MAST4: variants seen among roughly 807,000 people sequenced by gnomAD.
The protein encoded by MAST4 is microtubule associated serine/threonine kinase family member 4.
MAST4 carries 89 observed loss-of-function variants against 162.7 expected under a neutral mutation model. The observed-to-expected ratio is 0.55, with a 90% CI of 0.46 to 0.65. The LOEUF (loss-of-function observed/expected upper bound fraction) is 0.65. Among genes scored for constraint, MAST4 ranks in the 30% least tolerant of loss-of-function variants. The pLI is 0.00. For synonymous variants in MAST4, 1,479 were observed against 1,361.1 expected (o/e 1.09, Z -1.91); for missense variants, 3,153 against 3,374.0 (o/e 0.93, Z 1.62).
chr5:67,091,702 G>A (rs1188972854), intron 6 of MAST4, among the ~76,000 whole-genome samples: 1 of 152,100 alleles, frequency 6.6e-6, no homozygotes, highest in Non-Finnish European at 1.5e-5. Context: ...AGAAATCACG[G>A]TATCTTAATC....
chr5:66,672,494 T>C (rs1227110768), intron 1 of MAST4, among the ~76,000 whole-genome samples: 2 of 152,346 alleles, frequency 1.3e-5, no homozygotes, highest in Non-Finnish European at 2.9e-5. Context: ...CTTATATTAT[T>C]TGCATCTTAA....
At chr5:67,066,258 C>A (rs1398269524) in intron 5 of MAST4, among the ~76,000 whole-genome samples, 1 of 151,370 alleles carries the variant, frequency 6.6e-6, no homozygotes, top group African/African-American at 2.4e-5. Flanking sequence ...ATATTGTCCC[C>A]CTTAAAAGAA....
At chr5:66,896,892 A>G (rs1762717561) in intron 3 of MAST4, among the ~76,000 whole-genome samples, 4 of 152,172 alleles carry the variant, frequency 2.6e-5, no homozygotes. Flanking sequence ...GTATATTGAG[A>G]GATCTCAAAA....
At chr5:67,099,479 A>G (rs1375866387) in intron 7 of MAST4, among the ~76,000 whole-genome samples, 1 of 152,074 alleles carries the variant, frequency 6.6e-6, no homozygotes, top group Non-Finnish European at 1.5e-5. Flanking sequence ...TTTATGAAGG[A>G]TACTCTTAAT....
At chr5:66,966,563 C>A (rs1746759017) in intron 4 of MAST4, among the ~76,000 whole-genome samples, 1 of 152,096 alleles carries the variant, frequency 6.6e-6, no homozygotes, top group Non-Finnish European at 1.5e-5. Context: ...CCTTGGGCAT[C>A]AACATTTAGC....
chr5:66,636,246 G>T (rs1745115473), intron 1 of MAST4, among the ~76,000 whole-genome samples: 1 of 152,134 alleles, frequency 6.6e-6, no homozygotes, highest in African/African-American at 2.4e-5. Flanking sequence ...GTGAGCCACC[G>T]TGCCTGGCCA....
chr5:66,885,140 G>C (rs1466377322), intron 3 of MAST4, among the ~76,000 whole-genome samples: 8 of 152,156 alleles, frequency 5.3e-5, no homozygotes, highest in Non-Finnish European at 1.2e-4. Flanking sequence ...GGAATAGGGG[G>C]TTTTCAAAAC....
chr5:67,090,641 G>A, intron 6 of MAST4, among the ~76,000 whole-genome samples: 1 of 150,834 alleles, frequency 6.6e-6, no homozygotes, highest in Non-Finnish European at 1.5e-5. Context: ...CCATGCATGG[G>A]CTATAGGATG....
At chr5:67,132,024 C>G in intron 16 of MAST4, 73 bp downstream of exon 16, 1 of 1,483,090 alleles carries the variant, frequency 6.7e-7, no homozygotes, top group Non-Finnish European at 9.1e-7. Context: ...AAGATGTTTT[C>G]TTTTAGTCAA....
intron 1 of MAST4, among the ~76,000 whole-genome samples, chr5:66,678,094 T>A (rs1044724062): frequency 6.6e-6 from 1 of 152,130 alleles, no homozygotes; most frequent in Non-Finnish European, 1.5e-5. Flanking sequence ...ATTTTTCTAA[T>A]CTAATTTGCT....
chr5:67,050,824 C>T (rs1758081124), intron 4 of MAST4, among the ~76,000 whole-genome samples: 1 of 152,130 alleles, frequency 6.6e-6, no homozygotes, highest in Non-Finnish European at 1.5e-5. Flanking sequence ...GTAAGTTTTT[C>T]CATGTGCTGC....
At chr5:66,684,733 T>A in intron 1 of MAST4, among the ~76,000 whole-genome samples, 1 of 152,160 alleles carries the variant, frequency 6.6e-6, no homozygotes. Context: ...GAAAGAATAA[T>A]GCTAGTAATT....
intron 4 of MAST4, among the ~76,000 whole-genome samples, chr5:66,979,287 C>T (rs1748499032): frequency 2.0e-5 from 3 of 152,100 alleles, no homozygotes. Context: ...TCAACAGAGA[C>T]ACTGAGTCCT....
chr5:66,735,807 G>A (rs904354253), intron 1 of MAST4, among the ~76,000 whole-genome samples: 26 of 152,112 alleles, frequency 1.7e-4, no homozygotes, highest in African/African-American at 6.3e-4. Flanking sequence ...CATTTGTGGT[G>A]TAATGTCATA....
intron 3 of MAST4, 29 bp from the exon 4 acceptor site, chr5:66,899,922 C>A: frequency 6.7e-7 from 1 of 1,499,994 alleles, no homozygotes; most frequent in Admixed American, 2.4e-5. Flanking sequence ...TGCAGCATTG[C>A]TTATATATGG....
At chr5:66,660,748 T>A (rs943350589) in intron 1 of MAST4, among the ~76,000 whole-genome samples, 3 of 152,208 alleles carry the variant, frequency 2.0e-5, no homozygotes, top group Non-Finnish European at 4.4e-5. Flanking sequence ...TGGTAGCAAA[T>A]ATTTTAGAAA....
At chr5:66,724,313 T>C (rs1023350944) in intron 1 of MAST4, among the ~76,000 whole-genome samples, 1 of 152,162 alleles carries the variant, frequency 6.6e-6, no homozygotes, top group Admixed American at 6.6e-5. Context: ...CATGATTTTG[T>C]GTATTGACCT....
At chr5:67,020,419 C>T in intron 4 of MAST4, among the ~76,000 whole-genome samples, 1 of 152,162 alleles carries the variant, frequency 6.6e-6, no homozygotes, top group Non-Finnish European at 1.5e-5. Context: ...TTTCTTTCCC[C>T]TTTGGTATGA....
intron 4 of MAST4, among the ~76,000 whole-genome samples, chr5:66,948,575 G>A (rs1744301473): frequency 6.6e-6 from 1 of 152,064 alleles, no homozygotes; most frequent in Admixed American, 6.6e-5. Flanking sequence ...CACTTTCCAA[G>A]CCACATAACT....
Sources: gnomAD v4.1 joint callset for allele counts (sites outside exome capture counted in the v4.1 genomes callset) on GRCh38, gnomAD v4.1.1 for gene constraint, MANE v1.5 for transcripts, NCBI Gene and HGNC (gene_info 2026-07-23, HGNC 2026-07-21) for gene names.